DAB1: variants seen among roughly 807,000 people sequenced by gnomAD.
The protein encoded by DAB1 is DAB adaptor protein 1, also known as disabled homolog 1.
DAB1 carries 15 observed loss-of-function variants against 64.6 expected under a neutral mutation model. The observed-to-expected ratio is 0.23, with a 90% CI of 0.16 to 0.36. The LOEUF (loss-of-function observed/expected upper bound fraction) is 0.36, where lower values mean the gene tolerates loss of function less well. DAB1 is among the 10% of genes least tolerant of loss of function. The probability of loss-of-function intolerance (pLI) is 1.00; values close to 1 mark genes in which losing one functional copy is unlikely to be tolerated. For missense variants in DAB1, 596 were observed against 706.7 expected (o/e 0.84, Z 1.78); for synonymous variants, 235 against 251.9 (o/e 0.93, Z 0.64).
At chr1:57,016,052 A>G (rs1646420042) in intron 11 of DAB1, among the ~76,000 whole-genome samples, 2 of 152,296 alleles carry the variant, frequency 1.3e-5, no homozygotes, top group South Asian at 4.1e-4. Flanking sequence ...AACACCTTCT[A>G]TCTCACTGGG....
At chr1:58,511,277 G>A (rs558827676) in intron 2 of DAB1, among the ~76,000 whole-genome samples, 30 of 152,120 alleles carry the variant, frequency 2.0e-4, no homozygotes, top group Non-Finnish European at 3.2e-4. Flanking sequence ...AAAGATAACC[G>A]TTAAATGAAT....
chr1:57,398,072 A>G (rs1379613511), intron 1 of DAB1, among the ~76,000 whole-genome samples: 2 of 152,218 alleles, frequency 1.3e-5, no homozygotes, highest in African/African-American at 2.4e-5. Flanking sequence ...CTTCCATTTG[A>G]CTGCCCAAGT....
chr1:57,972,913 C>T (rs1222335227), intron 5 of DAB1, among the ~76,000 whole-genome samples: 2 of 152,216 alleles, frequency 1.3e-5, no homozygotes, highest in Non-Finnish European at 2.9e-5. Flanking sequence ...TTTCTTCATG[C>T]ACATACACAA....
intron 4 of DAB1, among the ~76,000 whole-genome samples, chr1:58,214,071 C>A (rs1217893068): frequency 1.3e-5 from 2 of 152,120 alleles, no homozygotes; most frequent in Non-Finnish European, 2.9e-5. Flanking sequence ...AACATAGTTA[C>A]ACGGGAAAAA....
intron 9 of DAB1, among the ~76,000 whole-genome samples, chr1:57,034,178 G>A (rs1176791217): frequency 1.3e-5 from 2 of 151,758 alleles, no homozygotes; most frequent in East Asian, 1.9e-4. Flanking sequence ...TACTCGGGAA[G>A]CTGAGGCAGG....
At chr1:57,646,745 T>A (rs1032843904) in intron 7 of DAB1, among the ~76,000 whole-genome samples, 1 of 152,016 alleles carries the variant, frequency 6.6e-6, no homozygotes, top group Admixed American at 6.6e-5. Flanking sequence ...CGAGACCCCA[T>A]CTCAAAAAAC....
At chr1:57,973,422 T>C (rs1358664865) in intron 5 of DAB1, among the ~76,000 whole-genome samples, 1 of 152,202 alleles carries the variant, frequency 6.6e-6, no homozygotes, top group African/African-American at 2.4e-5. Context: ...ACCACCAGAT[T>C]TGTGGCAATT....
At chr1:58,314,179 G>A (rs886831482) in intron 4 of DAB1, among the ~76,000 whole-genome samples, 2 of 151,970 alleles carry the variant, frequency 1.3e-5, no homozygotes, top group African/African-American at 4.8e-5. Context: ...TAGATATGGG[G>A]GTCTGTTCTA....
chr1:58,079,987 C>G (rs1649897450), intron 5 of DAB1: 1 of 152,178 alleles, frequency 6.6e-6, no homozygotes, highest in African/African-American at 2.4e-5. Flanking sequence ...AACTCTCATC[C>G]TAGCCTTTGT....
At chr1:57,820,005 CA>C (rs57475410) in intron 6 of DAB1, among the ~76,000 whole-genome samples, 48 of 152,274 alleles carry the variant, frequency 3.2e-4, no homozygotes, top group African/African-American at 1.1e-3. Context: ...AGGCTTCTTT[CA>C]AAGTATTTCC....
At chr1:57,331,794 C>T (rs72674850) in intron 1 of DAB1, among the ~76,000 whole-genome samples, 16,359 of 152,200 alleles carry the variant, frequency 0.11, 954 homozygotes, top group Middle Eastern at 0.13. Flanking sequence ...TGACTTGGCA[C>T]TGAGATGAGA....
At chr1:57,184,969 G>A (rs1180414716) in intron 2 of DAB1, among the ~76,000 whole-genome samples, 2 of 152,060 alleles carry the variant, frequency 1.3e-5, no homozygotes, top group Non-Finnish European at 2.9e-5. Flanking sequence ...TGGACAAACA[G>A]GGATCACAAC....
intron 4 of DAB1, among the ~76,000 whole-genome samples, chr1:58,201,952 T>A (rs925917541): frequency 6.6e-6 from 1 of 152,116 alleles, no homozygotes; most frequent in Non-Finnish European, 1.5e-5. Flanking sequence ...ACATCCAACC[T>A]ACCTAATTCT....
intron 7 of DAB1, among the ~76,000 whole-genome samples, chr1:57,648,635 C>G (rs564517548): frequency 6.6e-6 from 1 of 152,176 alleles, no homozygotes; most frequent in Non-Finnish European, 1.5e-5. Context: ...TGTTGTTCCC[C>G]AAGGTCCCAT....
At chr1:57,912,937 TAA>T (rs1156558501) in intron 5 of DAB1, among the ~76,000 whole-genome samples, 2 of 151,942 alleles carry the variant, frequency 1.3e-5, no homozygotes, top group African/African-American at 2.4e-5. Flanking sequence ...CTCAACGAAA[TAA>T]AAGAGGATAC....
intron 5 of DAB1, among the ~76,000 whole-genome samples, chr1:58,146,440 A>T (rs1654598358): frequency 6.6e-6 from 1 of 152,218 alleles, no homozygotes; most frequent in Non-Finnish European, 1.5e-5. Flanking sequence ...GCTGTACATC[A>T]GATTTCTAGA....
chr1:57,842,241 A>G (rs549451183), intron 1 of DAB1, among the ~76,000 whole-genome samples: 2 of 152,316 alleles, frequency 1.3e-5, no homozygotes, highest in Admixed American at 1.3e-4. Flanking sequence ...TAAGTTCTTC[A>G]TCTCCATCTA....
chr1:57,480,864 C>T (rs1005956868), intron 7 of DAB1, among the ~76,000 whole-genome samples: 2 of 152,108 alleles, frequency 1.3e-5, no homozygotes, highest in African/African-American at 2.4e-5. Flanking sequence ...AAAGCTGAGG[C>T]TCAGAGAAGT....
chr1:58,518,291 A>AGGGG (rs1646200783), intron 2 of DAB1, among the ~76,000 whole-genome samples: 1 of 27,366 alleles, frequency 3.7e-5, no homozygotes, highest in Admixed American at 2.8e-4. Context: ...AAGAGAAGAG[A>AGGGG]AGAGAAGAGA....
Sources: gnomAD v4.1 joint callset for allele counts (sites outside exome capture counted in the v4.1 genomes callset) on GRCh38, gnomAD v4.1.1 for gene constraint, MANE v1.5 for transcripts, NCBI Gene and HGNC (gene_info 2026-07-23, HGNC 2026-07-21) for gene names.